Variants in KCNB2 observed in about 807,000 individuals in gnomAD.
KCNB2 encodes delayed rectifier potassium channel protein.
A neutral mutation model predicts 61.5 loss-of-function variants in KCNB2; 15 were observed. The ratio of observed to expected loss-of-function variants is 0.24; its 90% CI spans 0.16 to 0.38. The LOEUF (loss-of-function observed/expected upper bound fraction) is 0.38. Among genes scored for constraint, KCNB2 ranks in the 10% least tolerant of loss-of-function variants. The pLI, the probability that KCNB2 is intolerant of heterozygous loss-of-function variation, is 1.00. For missense variants in KCNB2, 828 were observed against 1,125.2 expected (o/e 0.74, Z 3.78); for synonymous variants, 457 against 446.0 (o/e 1.02, Z -0.31).
At chr8:72,647,056 G>A (rs532722331) in intron 2 of KCNB2, among the ~76,000 whole-genome samples, 75 of 152,230 alleles carry the variant, frequency 4.9e-4, no homozygotes, top group Non-Finnish European at 5.4e-4. Flanking sequence ...CTTGCTCTGC[G>A]TCTTGATGAA....
chr8:72,564,588 A>G (rs1806592885), intron 1 of KCNB2, among the ~76,000 whole-genome samples: 1 of 152,118 alleles, frequency 6.6e-6, no homozygotes, highest in Non-Finnish European at 1.5e-5. Context: ...CATCTCTAAT[A>G]TTTTCGGCTG....
intron 2 of KCNB2, among the ~76,000 whole-genome samples, chr8:72,611,625 G>A (rs1004650400): frequency 6.6e-6 from 1 of 152,128 alleles, no homozygotes; most frequent in African/African-American, 2.4e-5. Context: ...TGTAGCAACC[G>A]GCTTTGCTGT....
intron 2 of KCNB2, among the ~76,000 whole-genome samples, chr8:72,920,396 A>G (rs1806486316): frequency 1.3e-5 from 2 of 148,968 alleles, no homozygotes; most frequent in Non-Finnish European, 3.0e-5. Context: ...AGGCAGGCAA[A>G]TCACTTGACC....
In KCNB2 at chr8:72,568,636, C is replaced by T. The variant is rs141499615; in HGVS notation, c.579+323C>T. On this transcript the variant is annotated intron_variant, in intron 2 of 2. Transcript: ENST00000523207. ...GTTGAGGAGAAAGCCCTAGCTCAGACCCATCAGGCACTGAGTCTTGTGGAA... is the reference window on the plus strand; with the variant it reads ...GTTGAGGAGAAAGCCCTAGCTCAGATCCATCAGGCACTGAGTCTTGTGGAA... Among the ~76,000 whole-genome samples, 688 of 152,260 alleles carry T rather than the reference C, an allele frequency of 4.5e-3. 7 individuals are homozygous for T. The highest frequency in any genetic ancestry group is 0.015 in the African/African-American group (625 of 41,534).
At chr8:72,864,123 T>C (rs999243135) in intron 2 of KCNB2, among the ~76,000 whole-genome samples, 20 of 152,190 alleles carry the variant, frequency 1.3e-4, no homozygotes, top group African/African-American at 4.8e-4. Flanking sequence ...GCCTCAGTTG[T>C]CTCAACTGAT....
chr8:72,773,161 A>G (rs1808588862), intron 2 of KCNB2, among the ~76,000 whole-genome samples: 1 of 152,184 alleles, frequency 6.6e-6, no homozygotes. Context: ...GTCATGTTCT[A>G]GACAGCACTG....
chr8:72,550,677 G>T (rs559350237), intron 1 of KCNB2, among the ~76,000 whole-genome samples: 62 of 152,312 alleles, frequency 4.1e-4, no homozygotes, highest in Admixed American at 1.4e-3. Context: ...CTTAAGCTAT[G>T]TGGTTCTTTT....
intron 2 of KCNB2, among the ~76,000 whole-genome samples, chr8:72,569,408 A>G (rs1453953307): frequency 6.6e-6 from 1 of 152,226 alleles, no homozygotes; most frequent in Non-Finnish European, 1.5e-5. Context: ...GATAATCTAT[A>G]GCACATAAAT....
chr8:72,602,534 C>T (rs1023487528), intron 2 of KCNB2, among the ~76,000 whole-genome samples: 6 of 152,134 alleles, frequency 3.9e-5, no homozygotes, highest in African/African-American at 1.2e-4. Flanking sequence ...ATTATATAGG[C>T]AGACTCTAGT....
chr8:72,710,215 C>CA (rs1807303069), intron 2 of KCNB2, among the ~76,000 whole-genome samples: 1 of 152,180 alleles, frequency 6.6e-6, no homozygotes, highest in African/African-American at 2.4e-5. Flanking sequence ...AAGGGCTTCT[C>CA]AGAGACCCTA....
intron 2 of KCNB2, among the ~76,000 whole-genome samples, chr8:72,706,717 T>G (rs963307541): frequency 1.1e-4 from 16 of 152,266 alleles, no homozygotes; most frequent in African/African-American, 3.9e-4. Flanking sequence ...TGATAATTTT[T>G]GTGTACTATA....
At chr8:72,765,880 C>T (rs1808454544) in intron 2 of KCNB2, among the ~76,000 whole-genome samples, 1 of 152,122 alleles carries the variant, frequency 6.6e-6, no homozygotes, top group Admixed American at 6.5e-5. Context: ...ATTGCTGCTG[C>T]CCTGGAAACC....
intron 2 of KCNB2, among the ~76,000 whole-genome samples, chr8:72,778,830 G>A (rs996535351): frequency 5.5e-5 from 8 of 145,630 alleles, no homozygotes; most frequent in African/African-American, 1.0e-4. Context: ...ATTAAATAAA[G>A]TTCGAGATAT....
chr8:72,875,371 C>T (rs1166501857), intron 2 of KCNB2, among the ~76,000 whole-genome samples: 6 of 152,220 alleles, frequency 3.9e-5, no homozygotes, highest in East Asian at 3.9e-4. Flanking sequence ...CCTGGCAGCC[C>T]GCTCCACAAA....
At chr8:72,590,270 A>C (rs568524083) in intron 2 of KCNB2, among the ~76,000 whole-genome samples, 1 of 152,276 alleles carries the variant, frequency 6.6e-6, no homozygotes, top group African/African-American at 2.4e-5. Flanking sequence ...CCTGCTTTGT[A>C]ATTGCTTTGA....
Position 72,648,953 on chromosome 8 carries a change from T to C in KCNB2, c.579+80640T>C, listed in dbSNP as rs185859194. 2.9e-3 allele frequency among the ~76,000 whole-genome samples: 438 copies of C among 152,102 alleles called. 2 individuals are homozygous for C. The highest frequency in any genetic ancestry group is 0.01 in the African/African-American group (415 of 41,472). On this transcript the variant is annotated intron_variant, in intron 2 of 2. Coordinates refer to ENST00000523207, the MANE Select transcript of KCNB2 (RefSeq NM_004770.3). ...CTGAATTAATTTGATATTGTCCTTT[T>C]ACATTGTGCAAGTTTTTTTATTTTT...
At chr8:72,751,041 C>T (rs1012828380) in intron 2 of KCNB2, 11 of 152,072 alleles carry the variant, frequency 7.2e-5, no homozygotes, top group African/African-American at 2.7e-4. Context: ...GGCTACCCTG[C>T]CTGTATCAGG....
chr8:72,689,452 A>G (rs1304608645), intron 2 of KCNB2, among the ~76,000 whole-genome samples: 2 of 152,200 alleles, frequency 1.3e-5, no homozygotes, highest in African/African-American at 4.8e-5. Context: ...ATATATAACA[A>G]TTTTTAGTAT....
intron 2 of KCNB2, among the ~76,000 whole-genome samples, chr8:72,646,077 G>A (rs1252421730): frequency 6.6e-6 from 1 of 152,042 alleles, no homozygotes; most frequent in Non-Finnish European, 1.5e-5. Flanking sequence ...AGTGTTTTGG[G>A]AGTGTGAATC....
Sources: gnomAD v4.1 joint callset for allele counts (sites outside exome capture counted in the v4.1 genomes callset) on GRCh38, gnomAD v4.1.1 for gene constraint, MANE v1.5 for transcripts, NCBI Gene and HGNC (gene_info 2026-07-23, HGNC 2026-07-21) for gene names.